DRICH1: variants seen among roughly 807,000 people sequenced by gnomAD.
DRICH1 encodes aspartate-rich protein 1.
In DRICH1, 38 loss-of-function variants were observed where a neutral mutation model predicts 39.5. That is an observed-to-expected ratio of 0.96 (90% CI 0.74 to 1.26). The LOEUF (loss-of-function observed/expected upper bound fraction) is 1.26. DRICH1 is among the 50% of genes most tolerant of loss of function. The pLI is 0.00. For synonymous variants in DRICH1, 84 were observed against 99.5 expected, an observed-to-expected ratio of 0.84 and a Z score of 0.93; for missense variants, 279 against 270.4, an observed-to-expected ratio of 1.03 and a Z score of -0.22.
chr22:23,584,110 C>A, the DRICH1 span, among the ~76,000 whole-genome samples: 2 of 152,192 alleles, frequency 1.3e-5, no homozygotes, highest in African/African-American at 4.8e-5. Context: ...CGGGGCTGGG[C>A]TGGGCCGGGC....
At chr22:23,619,701 T>C (rs531094159) in intron 5 of DRICH1, among the ~76,000 whole-genome samples, 2 of 151,964 alleles carry the variant, frequency 1.3e-5, no homozygotes, top group South Asian at 2.1e-4. Context: ...CTCATTCACA[T>C]GAAAAAACAG....
At chr22:23,596,412 AC>A in the DRICH1 span, among the ~76,000 whole-genome samples, 3 of 124,628 alleles carry the variant, frequency 2.4e-5, no homozygotes, top group African/African-American at 8.3e-5. Flanking sequence ...GGTACATGGC[AC>A]CCCCGTTTAT....
chr22:23,584,671 A>G, the DRICH1 span, among the ~76,000 whole-genome samples: 219 of 152,300 alleles, frequency 1.4e-3, no homozygotes, highest in Non-Finnish European at 2.6e-3. Context: ...GTTTAATTTT[A>G]TGTGTCAACT....
intron 3 of DRICH1, among the ~76,000 whole-genome samples, chr22:23,623,671 T>G (rs1927898496): frequency 1.4e-5 from 2 of 143,216 alleles, no homozygotes; most frequent in African/African-American, 4.9e-5. Flanking sequence ...TTAATGAATT[T>G]TCATTTGCCT....
chr22:23,624,821 T>G, intron 3 of DRICH1, 62 bp downstream of exon 3: 3 of 1,543,778 alleles, frequency 1.9e-6, no homozygotes, highest in Non-Finnish European at 1.8e-6. Flanking sequence ...CAGATTAAGG[T>G]TTCTATATAT....
chr22:23,620,380 C>T (rs1465619491), intron 5 of DRICH1, among the ~76,000 whole-genome samples: 2 of 152,088 alleles, frequency 1.3e-5, no homozygotes, highest in African/African-American at 4.8e-5. Context: ...TTCTCCAACT[C>T]CAGGTGAAGA....
Position 23,608,751 on chromosome 22 carries a change from C to G in DRICH1, c.*13G>C. 6.4e-7 allele frequency: 1 copy of G among 1,559,152 alleles called. No individual in the cohort carries two copies. Among genetic ancestry groups the G allele is most frequent in the Non-Finnish European group, 8.7e-7 (1 of 1,150,226 alleles). ...CTTTGGGTCAGCACCCTGGTCAGCT[C>G]CACAGAAGGGCTTCACCCTGGATGA... On this transcript the variant is annotated 3_prime_UTR_variant, in exon 12 of 12. Transcript: ENST00000317749.
At chr22:23,600,698 A>C in the DRICH1 span, among the ~76,000 whole-genome samples, 2 of 126,124 alleles carry the variant, frequency 1.6e-5, no homozygotes, top group African/African-American at 6.2e-5. Context: ...TTTGAGATGG[A>C]GTCTCGCTCT....
At chr22:23,611,577 G>C (rs1440788836) in intron 11 of DRICH1, among the ~76,000 whole-genome samples, 2 of 152,118 alleles carry the variant, frequency 1.3e-5, no homozygotes, top group Non-Finnish European at 2.9e-5. Context: ...ATTTTTAGTA[G>C]AGACGGGGTT....
chr22:23,614,630 C>CT (rs1203338712), intron 8 of DRICH1, among the ~76,000 whole-genome samples: 1 of 152,176 alleles, frequency 6.6e-6, no homozygotes, highest in East Asian at 1.9e-4. Context: ...GGATTTATTA[C>CT]TTATTTAAAA....
chr22:23,611,271 TC>T (rs1927018208), intron 11 of DRICH1, among the ~76,000 whole-genome samples: 1 of 152,122 alleles, frequency 6.6e-6, no homozygotes, highest in African/African-American at 2.4e-5. Flanking sequence ...AGACCCACAT[TC>T]CCCATCTGTA....
intron 10 of DRICH1, 145 bp from the exon 11 acceptor site, chr22:23,613,475 C>G: frequency 1.1e-6 from 1 of 929,258 alleles, no homozygotes; most frequent in African/African-American, 1.6e-5. Context: ...TCTTCTGGGT[C>G]GACAAACCTT....
intron 8 of DRICH1, among the ~76,000 whole-genome samples, chr22:23,616,511 G>C (rs944186871): frequency 6.6e-5 from 10 of 152,104 alleles, no homozygotes; most frequent in African/African-American, 2.4e-4. Flanking sequence ...TGTATTATTA[G>C]ACCCCACTTG....
intron 8 of DRICH1, among the ~76,000 whole-genome samples, chr22:23,614,630 C>T: frequency 6.6e-6 from 1 of 152,176 alleles, no homozygotes; most frequent in East Asian, 1.9e-4. Flanking sequence ...GGATTTATTA[C>T]TTATTTAAAA....
At chr22:23,582,852 TGCCCGGCCA>T in the DRICH1 span, among the ~76,000 whole-genome samples, 7 of 138,180 alleles carry the variant, frequency 5.1e-5, no homozygotes, top group African/African-American at 1.9e-4. Context: ...TGAGCCATCG[TGCCCGGCCA>T]ATTATCATAT....
chr22:23,619,171 C>CAAA (rs5844565), intron 6 of DRICH1, among the ~76,000 whole-genome samples, 193 bp downstream of exon 6: 4 of 84,868 alleles, frequency 4.7e-5, no homozygotes, highest in East Asian at 3.0e-4. Flanking sequence ...GACTCCGTCT[C>CAAA]AAAAAAAAAA....
Position 23,613,610 on chromosome 22 carries a change from C to T in DRICH1, c.643+29G>A, listed in dbSNP as rs189754926. ...ACTGAAGCTAGCAAGTTTTTTCCCT[C>T]AGGAAGTGAGTTATCTCATGGTACA... On this transcript the variant is annotated intron_variant, in intron 10 of 11. Transcript: ENST00000317749. 94 of 1,581,814 alleles carry T rather than the reference C, an allele frequency of 5.9e-5. No homozygotes were observed. The Middle Eastern group carries it at 2.7e-3, about 45-fold the overall frequency.
At chr22:23,599,451 C>T in the DRICH1 span, among the ~76,000 whole-genome samples, 1 of 152,122 alleles carries the variant, frequency 6.6e-6, no homozygotes, top group African/African-American at 2.4e-5. Context: ...CCCTTGTCCC[C>T]TGCCCCTATT....
the DRICH1 span, among the ~76,000 whole-genome samples, chr22:23,594,643 G>T: frequency 6.6e-6 from 1 of 152,214 alleles, no homozygotes; most frequent in East Asian, 1.9e-4. Context: ...AGAGTGGCAG[G>T]GCCACTGAGG....
Sources: allele counts gnomAD v4.1 joint callset (sites outside exome capture counted in the v4.1 genomes callset), GRCh38; gene constraint gnomAD v4.1.1; transcripts MANE v1.5; gene names NCBI Gene and HGNC (gene_info 2026-07-23, HGNC 2026-07-21).